The following TRIO variants were observed in gnomAD, a reference collection of about 807,000 sequenced individuals.
TRIO encodes trio Rho guanine nucleotide exchange factor, also known as triple functional domain protein.
In TRIO, 58 loss-of-function variants were observed where a neutral mutation model predicts 351.9. The observed-to-expected ratio is 0.16, with a 90% CI of 0.13 to 0.21. The LOEUF (loss-of-function observed/expected upper bound fraction) is 0.21, where lower values mean the gene tolerates loss of function less well. TRIO is among the 10% of genes least tolerant of loss of function. The pLI is 1.00. For missense variants in TRIO, 3,201 were observed against 4,027.8 expected (o/e 0.79, Z 5.56); for synonymous variants, 1,758 against 1,595.7 (o/e 1.10, Z -2.42).
intron 1 of TRIO, among the ~76,000 whole-genome samples, chr5:14,261,953 G>A (rs1279753658): frequency 6.6e-6 from 1 of 152,220 alleles, no homozygotes; most frequent in East Asian, 1.9e-4. Flanking sequence ...GCTTTTCAAA[G>A]GAGTTTTTAT....
intron 21 of TRIO, among the ~76,000 whole-genome samples, chr5:14,382,993 C>A (rs184015475): frequency 1.2e-3 from 180 of 152,188 alleles, no homozygotes; most frequent in Middle Eastern, 6.8e-3. Flanking sequence ...CTCTGTTACC[C>A]AGGCTGGAAT....
At chr5:14,433,385 T>C (rs751305224) in intron 34 of TRIO, among the ~76,000 whole-genome samples, 2 of 152,132 alleles carry the variant, frequency 1.3e-5, no homozygotes, top group Non-Finnish European at 2.9e-5. Flanking sequence ...GCAGGAGGTA[T>C]TATCTATGGG....
Position 14,186,734 on chromosome 5 carries a change from C to T in TRIO, c.157+42852C>T, listed in dbSNP as rs535357470. Among the ~76,000 whole-genome samples the T allele has an allele frequency of 3.9e-5, 6 of 152,210 alleles. No homozygotes were observed. In the East Asian group the frequency reaches 5.8e-4, roughly 15 times the overall value. On this transcript the variant is annotated intron_variant, in intron 1 of 56. Transcript: ENST00000344204. ...TTGGGATTATAGGTGCATGCCACCA[C>T]ACCTGGCTGATTTTTGTATTTTTAG...
chr5:14,284,624 A>G (rs1736287532), intron 3 of TRIO, among the ~76,000 whole-genome samples: 1 of 152,162 alleles, frequency 6.6e-6, no homozygotes, highest in Admixed American at 6.5e-5. Context: ...GGAGTCATTC[A>G]GGATTCCTTT....
Position 14,488,065 on chromosome 5 carries a change from G to T in TRIO, c.7437G>T (p.Leu2479=). ...AGCCCTTCCCCCCCAGCAGCCCCCT[G>T]CAGAAGGGGGGCTCCTTCTGGAGCT... ...GKEPFPPSSP[L]QKGGSFWSSI... The change falls in exon 48 of 57, where the codon CTG becomes CTT. Residue 2479 remains leucine (L), a synonymous_variant. Transcript: ENST00000344204. 1 of 1,609,946 alleles carries T rather than the reference G, an allele frequency of 6.2e-7. No homozygotes were observed. Among genetic ancestry groups the T allele is most frequent in the South Asian group, 1.1e-5 (1 of 90,774 alleles).
chr5:14,474,003 G>A lies in TRIO; in HGVS notation c.5989G>A (p.Ala1997Thr), dbSNP rs114451941. The A allele has an allele frequency of 6.2e-4, 995 of 1,612,732 alleles. 1 individual carries two copies. The highest frequency in any genetic ancestry group is 7.8e-4 in the Non-Finnish European group (917 of 1,178,910). The change falls in exon 40 of 57, where the codon GCA (alanine) becomes ACA (threonine). Residue 1997 changes from alanine to threonine, a missense_variant. By Grantham distance (58) the Ala-to-Thr change is moderately conservative. Around this residue, in one of 19 missense-constraint regions of TRIO, gnomAD observed 307 missense variants for 396.5 expected, o/e 0.77. Coordinates refer to ENST00000344204, the MANE Select transcript of TRIO (RefSeq NM_007118.4). ...DLGYVVEGYMALMKEDGVPDD... is the reference protein window; with the variant it reads ...DLGYVVEGYMTLMKEDGVPDD... ...AACTGTTTAATTGTAGGGCTACATG[G>A]CACTTATGAAAGAAGATGGTGTTCC... is the stretch of plus-strand genomic sequence containing the variant.
chr5:14,464,887 C>G (rs993186876), intron 36 of TRIO, among the ~76,000 whole-genome samples: 2 of 152,110 alleles, frequency 1.3e-5, no homozygotes. Context: ...CCCCAGATTT[C>G]CTGTCAACCC....
At chr5:14,397,185 C>CTATG in intron 29 of TRIO, 31 bp downstream of exon 29, 1 of 1,535,850 alleles carries the variant, frequency 6.5e-7, no homozygotes, top group Non-Finnish European at 8.9e-7. Context: ...CAGTGTGCAT[C>CTATG]TATGCAGTTT....
chr5:14,280,546 T>A, intron 3 of TRIO, 110 bp downstream of exon 3: 2 of 929,560 alleles, frequency 2.2e-6, no homozygotes, highest in Non-Finnish European at 1.7e-6. Flanking sequence ...GGCAAAGTAG[T>A]ATAAAATGAA....
At chr5:14,272,794 T>C (rs1796053114) in intron 2 of TRIO, among the ~76,000 whole-genome samples, 1 of 152,266 alleles carries the variant, frequency 6.6e-6, no homozygotes, top group Non-Finnish European at 1.5e-5. Context: ...CTCTTTGTTT[T>C]AGGCTTATCG....
At chr5:14,331,008 G>A (rs1013965694) in intron 10 of TRIO, 108 bp downstream of exon 10, 2 of 1,507,174 alleles carry the variant, frequency 1.3e-6, no homozygotes, top group Non-Finnish European at 1.8e-6. Context: ...CGATGTGTTT[G>A]ACACCTCAGA....
intron 43 of TRIO, among the ~76,000 whole-genome samples, chr5:14,480,395 A>AT (rs371013187): frequency 3.3e-5 from 5 of 152,068 alleles, no homozygotes; most frequent in Non-Finnish European, 7.4e-5. Flanking sequence ...GTAAAAGTGA[A>AT]TTTTTTTTCC....
chr5:14,256,209 G>A (rs1275473911), intron 1 of TRIO, among the ~76,000 whole-genome samples: 1 of 152,154 alleles, frequency 6.6e-6, no homozygotes, highest in African/African-American at 2.4e-5. Context: ...AAAGAGAAGA[G>A]AGAGAAGTGG....
At chr5:14,238,428 A>C (rs1391579767) in intron 1 of TRIO, among the ~76,000 whole-genome samples, 6 of 152,152 alleles carry the variant, frequency 3.9e-5, no homozygotes, top group African/African-American at 1.4e-4. Context: ...CTGCTGTCCC[A>C]TCTTTGTGCC....
At chr5:14,324,028 A>G (rs758855068) in intron 9 of TRIO, among the ~76,000 whole-genome samples, 3 of 152,198 alleles carry the variant, frequency 2.0e-5, no homozygotes, top group Non-Finnish European at 4.4e-5. Context: ...CTAAAATACC[A>G]TTGATTTGAT....
chr5:14,436,563 C>G (rs1751603422), intron 34 of TRIO, among the ~76,000 whole-genome samples: 1 of 152,302 alleles, frequency 6.6e-6, no homozygotes, highest in East Asian at 1.9e-4. Context: ...AAAGTCTCAT[C>G]CAAAACAAGG....
At chr5:14,335,750 A>G (rs1741346624) in intron 10 of TRIO, among the ~76,000 whole-genome samples, 1 of 152,172 alleles carries the variant, frequency 6.6e-6, no homozygotes, top group African/African-American at 2.4e-5. Flanking sequence ...GGATTATCTG[A>G]GCCCAGGAGT....
chr5:14,337,101 G>A (rs993704113), intron 11 of TRIO, among the ~76,000 whole-genome samples: 3 of 152,132 alleles, frequency 2.0e-5, no homozygotes, highest in Admixed American at 1.3e-4. Flanking sequence ...TGGATTTTAC[G>A]AGACTTCTCT....
chr5:14,280,947 A>G (rs1197765729), intron 3 of TRIO, among the ~76,000 whole-genome samples: 1 of 152,240 alleles, frequency 6.6e-6, no homozygotes, highest in Non-Finnish European at 1.5e-5. Context: ...GGGAATTTTT[A>G]GCATAGATGC....
Sources: gnomAD v4.1 joint callset for allele counts (sites outside exome capture counted in the v4.1 genomes callset) on GRCh38, gnomAD v4.1.1 for gene constraint, gnomAD v4.1.1 regional missense constraint, MANE v1.5 for transcripts, NCBI Gene and HGNC (gene_info 2026-07-23, HGNC 2026-07-21) for gene names.